The following SCLT1 variants were observed in gnomAD, a reference collection of about 807,000 sequenced individuals.
SCLT1 encodes the protein sodium channel and clathrin linker 1.
Under a neutral mutation model 112.8 loss-of-function variants are expected in SCLT1, and 78 were observed. That is an observed-to-expected ratio of 0.69 (90% CI 0.58 to 0.83). The LOEUF (loss-of-function observed/expected upper bound fraction) is 0.83, where lower values mean the gene tolerates loss of function less well. SCLT1 is among the 40% of genes least tolerant of loss of function. The probability of loss-of-function intolerance (pLI) is 0.00; values close to 1 mark genes in which losing one functional copy is unlikely to be tolerated. For synonymous variants in SCLT1, 257 were observed against 254.7 expected (o/e 1.01, Z -0.09); for missense variants, 747 against 770.4 (o/e 0.97, Z 0.36).
chr4:128,896,972 GAAA>G (rs1259901671), intron 18 of SCLT1, among the ~76,000 whole-genome samples: 8 of 152,058 alleles, frequency 5.3e-5, no homozygotes, highest in African/African-American at 1.9e-4. Context: ...GAAGTTTAGA[GAAA>G]AAAGAATAAA....
chr4:128,904,361 T>A (rs1318656628), intron 18 of SCLT1, among the ~76,000 whole-genome samples: 1 of 152,188 alleles, frequency 6.6e-6, no homozygotes, highest in Non-Finnish European at 1.5e-5. Flanking sequence ...AAACATAATT[T>A]AGAAATATAC....
At chr4:129,025,193 A>G (rs1365686646) in intron 5 of SCLT1, among the ~76,000 whole-genome samples, 2 of 152,220 alleles carry the variant, frequency 1.3e-5, no homozygotes, top group African/African-American at 4.8e-5. Context: ...CAGGAAATAC[A>G]GAGAACACCA....
At chr4:129,012,641 G>A (rs1055179178) in intron 5 of SCLT1, among the ~76,000 whole-genome samples, 1 of 152,108 alleles carries the variant, frequency 6.6e-6, no homozygotes, top group East Asian at 1.9e-4. Context: ...CACTACTATT[G>A]TATGGGAGTC....
intron 10 of SCLT1, among the ~76,000 whole-genome samples, chr4:128,968,695 G>A (rs562736338): frequency 9.2e-5 from 14 of 152,242 alleles, no homozygotes; most frequent in African/African-American, 2.6e-4. Context: ...TCGTTCTTTT[G>A]AGCATTAAAT....
At chr4:129,039,993 G>T in intron 4 of SCLT1, 2 of 544,096 alleles carry the variant, frequency 3.7e-6, no homozygotes, top group Non-Finnish European at 6.7e-6. Context: ...ACTAATTCAT[G>T]ATTGTGTATT....
intron 11 of SCLT1, 136 bp from the exon 12 acceptor site, chr4:128,959,913 T>C (rs1739535253): frequency 3.0e-6 from 2 of 664,114 alleles, no homozygotes; most frequent in Admixed American, 5.7e-5. Context: ...TTGATACTCA[T>C]TACCCTTCTA....
intron 11 of SCLT1, among the ~76,000 whole-genome samples, chr4:128,960,924 CT>C (rs1739657129): frequency 4.2e-5 from 1 of 23,626 alleles, no homozygotes; most frequent in Non-Finnish European, 6.2e-5. Flanking sequence ...GAGACTCCGT[CT>C]CAAAAAAAAA....
chr4:129,009,840 G>A lies in SCLT1; in HGVS notation c.291-5964C>T, dbSNP rs145551619. ...TAAATTTAAGTTCCTTATAGATGCT[G>A]GATATTTGACCTTTGTCAGATGCAG... On this transcript the variant is annotated intron_variant, in intron 5 of 20. Coordinates refer to ENST00000281142, the MANE Select transcript of SCLT1 (RefSeq NM_144643.4). Among the ~76,000 whole-genome samples the A allele has an allele frequency of 9.2e-5, 14 of 152,256 alleles. No homozygotes were observed. The East Asian group carries it at 2.7e-3, about 29-fold the overall frequency.
chr4:128,919,097 C>T (rs1735686903), intron 18 of SCLT1, among the ~76,000 whole-genome samples: 1 of 151,992 alleles, frequency 6.6e-6, no homozygotes, highest in East Asian at 1.9e-4. Context: ...ATTTATAGAC[C>T]TCTCCACCCA....
intron 5 of SCLT1, among the ~76,000 whole-genome samples, chr4:129,032,260 T>C (rs1016713924): frequency 6.6e-6 from 1 of 152,164 alleles, no homozygotes; most frequent in Non-Finnish European, 1.5e-5. Context: ...ATTTAATTAA[T>C]GGTGCCAGGA....
chr4:129,025,617 G>A (rs1048476709), intron 5 of SCLT1, among the ~76,000 whole-genome samples: 14 of 152,070 alleles, frequency 9.2e-5, no homozygotes, highest in African/African-American at 3.1e-4. Context: ...AAAGACCATC[G>A]AGGCTAGGAA....
chr4:128,908,844 C>T (rs534466877), intron 18 of SCLT1, among the ~76,000 whole-genome samples: 1 of 152,236 alleles, frequency 6.6e-6, no homozygotes, highest in Non-Finnish European at 1.5e-5. Flanking sequence ...CTCAGGAAAC[C>T]ACGTGTTAAA....
intron 10 of SCLT1, 151 bp downstream of exon 10, chr4:128,970,227 T>C (rs994430314): frequency 2.9e-5 from 18 of 610,960 alleles, no homozygotes; most frequent in Non-Finnish European, 5.2e-5. Context: ...TTCAATAATA[T>C]AGTTTAGCTT....
chr4:129,049,787 T>C (rs536413244), intron 2 of SCLT1, among the ~76,000 whole-genome samples: 15 of 152,168 alleles, frequency 9.9e-5, no homozygotes, highest in Admixed American at 3.9e-4. Flanking sequence ...GTTTGTTACA[T>C]AGGTATACAT....
intron 5 of SCLT1, among the ~76,000 whole-genome samples, chr4:129,030,503 A>C (rs932676688): frequency 1.3e-5 from 2 of 152,180 alleles, no homozygotes; most frequent in South Asian, 4.2e-4. Flanking sequence ...AAACTGCTCA[A>C]AAAATGAATG....
In SCLT1 at chr4:128,999,823, A is replaced by G. The variant is rs2126082430; in HGVS notation, c.427-29T>C. On this transcript the variant is annotated intron_variant, in intron 6 of 20. Transcript: ENST00000281142. ...TTAAAAAAGTTTGATAACTCATTAA[A>G]TTATCAGCAGGCTATTTATTGTATA... 17 of 1,547,728 alleles carry G rather than the reference A, an allele frequency of 1.1e-5. No individual in the cohort carries two copies. The Middle Eastern group carries it at 2.4e-3, about 219-fold the overall frequency.
chr4:129,079,046 A>C (rs1751705995), intron 2 of SCLT1, among the ~76,000 whole-genome samples: 1 of 152,194 alleles, frequency 6.6e-6, no homozygotes, highest in Non-Finnish European at 1.5e-5. Context: ...TCAGGGGAAC[A>C]GCAAGGAGAA....
chr4:128,889,391 G>A (rs1733138687), intron 19 of SCLT1, among the ~76,000 whole-genome samples: 1 of 152,198 alleles, frequency 6.6e-6, no homozygotes, highest in Non-Finnish European at 1.5e-5. Flanking sequence ...GGAAAGACAA[G>A]TTGAAGACAC....
At chr4:128,992,981 T>G (rs1742705616) in intron 8 of SCLT1, among the ~76,000 whole-genome samples, 1 of 152,054 alleles carries the variant, frequency 6.6e-6, no homozygotes, top group South Asian at 2.1e-4. Context: ...TCCCGATTGA[T>G]CTTAATAGTT....
Sources: allele counts gnomAD v4.1 joint callset (sites outside exome capture counted in the v4.1 genomes callset), GRCh38; gene constraint gnomAD v4.1.1; transcripts MANE v1.5; gene names NCBI Gene and HGNC (gene_info 2026-07-23, HGNC 2026-07-21).